Variants in SPTLC2 observed in about 807,000 individuals in gnomAD.
SPTLC2 encodes the protein serine palmitoyltransferase long chain base subunit 2.
A neutral mutation model predicts 62.0 loss-of-function variants in SPTLC2; 21 were observed. The ratio of observed to expected loss-of-function variants is 0.34; its 90% confidence interval spans 0.24 to 0.49. The LOEUF (loss-of-function observed/expected upper bound fraction) is 0.49, where lower values mean the gene tolerates loss of function less well. SPTLC2 is among the 20% of genes least tolerant of loss of function. The pLI, the probability that SPTLC2 is intolerant of heterozygous loss-of-function variation, is 0.99. For missense variants in SPTLC2, 511 were observed against 713.0 expected, an observed-to-expected ratio of 0.72 and a Z score of 3.23; for synonymous variants, 261 against 261.8, an observed-to-expected ratio of 1.00 and a Z score of 0.03.
At chr14:77,582,761 T>C (rs2079758885) in intron 2 of SPTLC2, among the ~76,000 whole-genome samples, 1 of 152,178 alleles carries the variant, frequency 6.6e-6, no homozygotes, top group Non-Finnish European at 1.5e-5. Context: ...GGAGAAGCTG[T>C]CACAACCAGG....
At chr14:77,550,433 G>A (rs185935310) in intron 9 of SPTLC2, among the ~76,000 whole-genome samples, 1 of 152,302 alleles carries the variant, frequency 6.6e-6, no homozygotes, top group Admixed American at 6.5e-5. Context: ...AATTAGCCGG[G>A]TGTGGTGGCG....
intron 9 of SPTLC2, among the ~76,000 whole-genome samples, chr14:77,546,496 T>G (rs145453895): frequency 4.0e-5 from 6 of 151,778 alleles, no homozygotes; most frequent in Non-Finnish European, 8.8e-5. Context: ...TGGGAGTGAG[T>G]GAAGGAGGAG....
intron 3 of SPTLC2, 93 bp from the exon 4 acceptor site, chr14:77,577,008 G>C: frequency 1.4e-6 from 2 of 1,425,272 alleles, no homozygotes; most frequent in Non-Finnish European, 2.0e-6. Flanking sequence ...AGGAAGCAGA[G>C]AGAACAAAGT....
At chr14:77,546,740 C>CTTT (rs11431131) in intron 9 of SPTLC2, among the ~76,000 whole-genome samples, 5 of 149,248 alleles carry the variant, frequency 3.4e-5, no homozygotes, top group East Asian at 3.9e-4. Context: ...TGGTAAAACA[C>CTTT]TTTTTTTTTT....
rs1393208162 is a variant in SPTLC2 at position 77,555,602 on chromosome 14, T to C, written c.957-83A>G. On this transcript the variant is annotated intron_variant, in intron 7 of 11. Transcript: ENST00000216484. ...AAATTGGGAGTTTGGCACTTCATTA[T>C]TATTGAGTTTACTGCTTCTTTTTTT... is the stretch of plus-strand genomic sequence containing the variant. 6.8e-6 allele frequency: 9 copies of C among 1,332,778 alleles called. No homozygotes were observed. In the African/African-American group the frequency reaches 1.3e-4, roughly 20 times the overall value. The allele number at this position is 1,332,778 out of a possible 1,614,324, so 82.6% of individuals were successfully genotyped here.
chr14:77,566,695 C>T (rs1191839313), intron 5 of SPTLC2, among the ~76,000 whole-genome samples: 3 of 152,090 alleles, frequency 2.0e-5, no homozygotes, highest in South Asian at 2.1e-4. Flanking sequence ...CTCCTGACCT[C>T]GTGTTCCACC....
intron 11 of SPTLC2, among the ~76,000 whole-genome samples, chr14:77,516,743 G>C (rs575293904): frequency 6.6e-6 from 1 of 152,090 alleles, no homozygotes; most frequent in African/African-American, 2.4e-5. Flanking sequence ...TACTGTATTC[G>C]ACATGGAAAA....
intron 1 of SPTLC2, among the ~76,000 whole-genome samples, chr14:77,599,326 G>C (rs1321322449): frequency 1.3e-5 from 2 of 152,274 alleles, no homozygotes; most frequent in Admixed American, 6.5e-5. Context: ...AGAACTAAAA[G>C]ATCCTTTCTT....
At chr14:77,605,317 A>G (rs1215087403) in intron 1 of SPTLC2, among the ~76,000 whole-genome samples, 1 of 152,196 alleles carries the variant, frequency 6.6e-6, no homozygotes, top group East Asian at 1.9e-4. Flanking sequence ...GGCCCAGAAC[A>G]AACTTATTCT....
At chr14:77,580,134 T>A (rs1479938188) in intron 2 of SPTLC2, among the ~76,000 whole-genome samples, 4 of 151,886 alleles carry the variant, frequency 2.6e-5, no homozygotes, top group Non-Finnish European at 4.4e-5. Context: ...AGGATCAAAA[T>A]GAAACAAATC....
At position 77,513,016 on chromosome 14, in the gene SPTLC2, C is replaced by CTTTTTTTT. The variant is rs1190713237; in HGVS notation, c.1570-621_1570-614dup. ...AGGCGTAAGCCAACGAACCCAGCAA[C>CTTTTTTTT]TTTTTTTTTTTTTTTTTTTTTTTTT... is the stretch of plus-strand genomic sequence containing the variant. On this transcript the variant is annotated intron_variant, in intron 11 of 11. Coordinates refer to ENST00000216484, the MANE Select transcript of SPTLC2 (RefSeq NM_004863.4). 6.2e-3 allele frequency among the ~76,000 whole-genome samples: 391 copies of CTTTTTTTT among 62,824 alleles called. 87 individuals carry two copies. Among genetic ancestry groups the CTTTTTTTT allele is most frequent in the South Asian group, 0.016 (21 of 1,302 alleles). 41.2% of individuals were successfully genotyped at this position (62,824 alleles called of 152,430 possible).
In SPTLC2 at chr14:77,534,530, T is replaced by A. The variant is rs542728693; in HGVS notation, c.1304-12949A>T. ...CAGTCTAACTTTATGATATAAAAAA[T>A]TTTTAACACAGAAATCTGGTATATA... On this transcript the variant is annotated intron_variant, in intron 9 of 11. Transcript: ENST00000216484. Among the ~76,000 whole-genome samples, 114 of 149,912 alleles carry A rather than the reference T, an allele frequency of 7.6e-4. 1 individual carries two copies. Among genetic ancestry groups the A allele is most frequent in the Non-Finnish European group, 1.3e-3 (91 of 67,680 alleles).
Position 77,576,805 on chromosome 14 carries a change from T to A in SPTLC2, c.593A>T (p.Glu198Val), listed in dbSNP as rs769177184. The change falls in exon 4 of 12, where the codon GAG becomes GTG. Residue 198 changes from glutamate to valine, a missense_variant. Transcript: ENST00000216484. ...CQEAAAKVLE[E>V]YGAGVCSTRQ... is the part of the protein sequence containing the mutation. ...AGTACTGCACACTCCAGCTCCATAC[T>A]CCTCAAGGACTTTGGCGGCTGCTTC... The A allele has an allele frequency of 1.9e-6, 3 of 1,614,170 alleles. No homozygotes were observed. The highest frequency in any genetic ancestry group is 2.5e-6 in the Non-Finnish European group (3 of 1,180,030).
In SPTLC2 at chr14:77,605,298, A is replaced by T. The variant is rs547654655; in HGVS notation, c.133-7918T>A. 2.4e-4 allele frequency among the ~76,000 whole-genome samples: 36 copies of T among 152,216 alleles called. 1 individual carries two copies. In the South Asian group the frequency reaches 6.8e-3, roughly 29 times the overall value. Reference sequence around the variant, plus strand: ...AGTGCTGGAATTGCAGGCATAAGCCACCATGCCTGGCCCAGAACAAACTTA... The same window carrying T: ...AGTGCTGGAATTGCAGGCATAAGCCTCCATGCCTGGCCCAGAACAAACTTA... On this transcript the variant is annotated intron_variant, in intron 1 of 11. Coordinates refer to ENST00000216484, the MANE Select transcript of SPTLC2 (RefSeq NM_004863.4).
intron 1 of SPTLC2, among the ~76,000 whole-genome samples, chr14:77,608,945 A>C (rs1296577349): frequency 6.8e-6 from 1 of 148,104 alleles, no homozygotes; most frequent in Non-Finnish European, 1.5e-5. Flanking sequence ...AATAATAATA[A>C]TAATAATAAT....
chr14:77,528,226 T>A (rs2079418525), intron 9 of SPTLC2, among the ~76,000 whole-genome samples: 1 of 151,794 alleles, frequency 6.6e-6, no homozygotes. Flanking sequence ...TCCCCACCCC[T>A]CTTTTCCTCT....
At position 77,555,449 on chromosome 14, in the gene SPTLC2, G is replaced by A. The variant is rs765552747; in HGVS notation, c.1027C>T (p.Leu343=). The A allele has an allele frequency of 6.2e-7, 1 of 1,614,144 alleles. No individual in the cohort carries two copies. The highest frequency in any genetic ancestry group is 1.7e-5 in the Admixed American group (1 of 60,016). The change falls in exon 8 of 12, where the codon CTG becomes TTG. Residue 343 remains leucine, a synonymous_variant. Coordinates refer to ENST00000216484, the MANE Select transcript of SPTLC2 (RefSeq NM_004863.4). The part of the protein sequence containing the change: ...LKKKYKAYLY[L]DEAHSIGALG... ...GCGCCAATGCTGTGAGCCTCATCCA[G>A]ATACAAGTATGCCTTGTATTTCTTC...
intron 9 of SPTLC2, among the ~76,000 whole-genome samples, chr14:77,546,962 T>A (rs1171454749): frequency 6.6e-6 from 1 of 152,100 alleles, no homozygotes; most frequent in Admixed American, 6.5e-5. Flanking sequence ...ATTCCCGACC[T>A]CAGGTGATCC....
intron 3 of SPTLC2, among the ~76,000 whole-genome samples, chr14:77,577,756 C>T (rs923857265): frequency 6.6e-6 from 1 of 151,982 alleles, no homozygotes; most frequent in Non-Finnish European, 1.5e-5. Context: ...AAAAATTAGC[C>T]GGGTGTGGTG....
Sources: allele counts gnomAD v4.1 joint callset (sites outside exome capture counted in the v4.1 genomes callset), GRCh38; gene constraint gnomAD v4.1.1; transcripts MANE v1.5; gene names NCBI Gene and HGNC (gene_info 2026-07-23, HGNC 2026-07-21).